Variants in MACROD2 observed in about 807,000 individuals in gnomAD.
MACROD2 encodes the protein mono-ADP ribosylhydrolase 2, also known as ADP-ribose glycohydrolase MACROD2.
MACROD2 carries 36 observed loss-of-function variants against 70.4 expected under a neutral mutation model. The ratio of observed to expected loss-of-function variants is 0.51; its 90% CI spans 0.39 to 0.68. MACROD2 has a LOEUF of 0.68. MACROD2 is among the 30% of genes least tolerant of loss of function. MACROD2 has a pLI of 0.00. For missense variants in MACROD2, 496 were observed against 538.4 expected, an observed-to-expected ratio of 0.92 and a Z score of 0.78; for synonymous variants, 172 against 178.8, an observed-to-expected ratio of 0.96 and a Z score of 0.30.
chr20:15,772,632 G>T (rs934104200), intron 8 of MACROD2, among the ~76,000 whole-genome samples: 3 of 152,054 alleles, frequency 2.0e-5, no homozygotes, highest in African/African-American at 7.2e-5. Flanking sequence ...CATGGTTAGG[G>T]AAGCCTCAGG....
At chr20:14,732,621 T>C (rs541616673) in intron 5 of MACROD2, among the ~76,000 whole-genome samples, 2 of 152,170 alleles carry the variant, frequency 1.3e-5, no homozygotes, top group Non-Finnish European at 2.9e-5. Context: ...AAGTCGATGT[T>C]TTAGCCCGTA....
chr20:15,136,064 A>G (rs1440095246), intron 5 of MACROD2, among the ~76,000 whole-genome samples: 1 of 149,532 alleles, frequency 6.7e-6, no homozygotes, highest in Non-Finnish European at 1.5e-5. Context: ...ATAAAAGAGG[A>G]TACAAACAAA....
intron 5 of MACROD2, among the ~76,000 whole-genome samples, chr20:14,972,110 G>A (rs1242253537): frequency 1.3e-5 from 2 of 152,184 alleles, no homozygotes; most frequent in African/African-American, 2.4e-5. Flanking sequence ...TATATCACTG[G>A]TTTTGCCTGC....
chr20:15,987,554 A>T (rs1232569906), intron 15 of MACROD2, among the ~76,000 whole-genome samples: 1 of 152,168 alleles, frequency 6.6e-6, no homozygotes, highest in Non-Finnish European at 1.5e-5. Flanking sequence ...TTAGTATAGT[A>T]GTGATGAAAG....
intron 7 of MACROD2, among the ~76,000 whole-genome samples, chr20:15,442,550 C>T (rs944542981): frequency 6.6e-6 from 1 of 152,048 alleles, no homozygotes; most frequent in Non-Finnish European, 1.5e-5. Flanking sequence ...TCTAATGGTC[C>T]CTCTACTCAA....
chr20:14,441,273 G>A (rs191423413), intron 3 of MACROD2, among the ~76,000 whole-genome samples: 7 of 152,280 alleles, frequency 4.6e-5, no homozygotes, highest in Non-Finnish European at 8.8e-5. Context: ...AGGATGAGAG[G>A]CCATGCAGAG....
At chr20:14,721,148 G>A (rs11906932) in intron 5 of MACROD2, among the ~76,000 whole-genome samples, 1,616 of 151,494 alleles carry the variant, frequency 0.011, 29 homozygotes, top group African/African-American at 0.037. Flanking sequence ...CCAGCTACTC[G>A]GGAGGCTGAG....
At chr20:14,191,584 G>A (rs2081388467) in intron 3 of MACROD2, among the ~76,000 whole-genome samples, 5 of 152,232 alleles carry the variant, frequency 3.3e-5, no homozygotes, top group Admixed American at 6.5e-5. Flanking sequence ...GAGAAGGGTA[G>A]AGGAGAGGGA....
chr20:15,357,672 T>C (rs2078303386), intron 6 of MACROD2, among the ~76,000 whole-genome samples: 1 of 152,132 alleles, frequency 6.6e-6, no homozygotes, highest in South Asian at 2.1e-4. Flanking sequence ...TAGAATGTAA[T>C]ACATACAACA....
Position 14,144,892 on chromosome 20 carries a change from T to C in MACROD2, c.271+59164T>C, listed in dbSNP as rs562574765. Among the ~76,000 whole-genome samples, 168 of 152,294 alleles carry C rather than the reference T, an allele frequency of 1.1e-3. 1 individual carries two copies. Among genetic ancestry groups the C allele is most frequent in the African/African-American group, 3.8e-3 (157 of 41,560 alleles). On this transcript the variant is annotated intron_variant, in intron 3 of 17. Transcript: ENST00000684519. ...ACCTCCAGACTATGCCTTGCTTCTG[T>C]AGATTTCTCTCAGGGCTCATCATGT...
chr20:15,255,508 C>T (rs1336665184), intron 6 of MACROD2, among the ~76,000 whole-genome samples: 1 of 152,062 alleles, frequency 6.6e-6, no homozygotes, highest in Non-Finnish European at 1.5e-5. Flanking sequence ...TTGACATTTA[C>T]ATGGTAGGGT....
chr20:16,025,695 G>A (rs1874292954), intron 15 of MACROD2, among the ~76,000 whole-genome samples: 1 of 152,120 alleles, frequency 6.6e-6, no homozygotes, highest in African/African-American at 2.4e-5. Context: ...CAGGCCCTCT[G>A]GTGCTCAAGA....
At chr20:15,825,689 T>C (rs1373451235) in intron 8 of MACROD2, among the ~76,000 whole-genome samples, 1 of 152,118 alleles carries the variant, frequency 6.6e-6, no homozygotes, top group African/African-American at 2.4e-5. Flanking sequence ...ATTGAATATA[T>C]ACTACAACAA....
intron 3 of MACROD2, among the ~76,000 whole-genome samples, chr20:14,154,959 T>C (rs2055079035): frequency 6.6e-6 from 1 of 152,202 alleles, no homozygotes; most frequent in Non-Finnish European, 1.5e-5. Context: ...GGATGAGAAC[T>C]AAGTGCTTTT....
At chr20:14,107,416 AAAAGGGC>A (rs1157530227) in intron 3 of MACROD2, among the ~76,000 whole-genome samples, 3 of 152,206 alleles carry the variant, frequency 2.0e-5, no homozygotes, top group Non-Finnish European at 4.4e-5. Flanking sequence ...AAATAGCCTC[AAAAGGGC>A]AAATCTAAGA....
intron 7 of MACROD2, among the ~76,000 whole-genome samples, chr20:15,447,652 G>A (rs1052504865): frequency 2.0e-5 from 3 of 152,172 alleles, no homozygotes; most frequent in Non-Finnish European, 4.4e-5. Context: ...GAGTTGCCAT[G>A]CTGGACAAAC....
intron 6 of MACROD2, among the ~76,000 whole-genome samples, chr20:15,387,898 A>G (rs1029656279): frequency 6.7e-6 from 1 of 150,292 alleles, no homozygotes; most frequent in African/African-American, 2.5e-5. Flanking sequence ...GCATGCCACC[A>G]TGTCCAGCTA....
chr20:14,828,333 G>T (rs994274972), intron 5 of MACROD2, among the ~76,000 whole-genome samples: 2 of 152,122 alleles, frequency 1.3e-5, no homozygotes, highest in Admixed American at 6.5e-5. Context: ...GAGGCAAAAG[G>T]TTATGCATGC....
chr20:14,516,643 T>C (rs182260812), intron 4 of MACROD2, among the ~76,000 whole-genome samples: 150 of 152,280 alleles, frequency 9.9e-4, no homozygotes, highest in Admixed American at 1.7e-3. Flanking sequence ...AGGGCTCTGT[T>C]CTGTTCCATT....
Sources: allele counts gnomAD v4.1 joint callset (sites outside exome capture counted in the v4.1 genomes callset), GRCh38; gene constraint gnomAD v4.1.1; transcripts MANE v1.5; gene names NCBI Gene and HGNC (gene_info 2026-07-23, HGNC 2026-07-21).